The following ANXA8 variants were observed in gnomAD, a reference collection of about 807,000 sequenced individuals.
The protein encoded by ANXA8 is VAC-beta.
In ANXA8, 9 loss-of-function variants were observed where a neutral mutation model predicts 26.8. The ratio of observed to expected loss-of-function variants is 0.34; its 90% CI spans 0.20 to 0.59. ANXA8 has a LOEUF of 0.59. Ranked by LOEUF, ANXA8 falls within the 20% of genes least tolerant of loss-of-function variation. ANXA8 has a pLI of 0.84. For missense variants in ANXA8, 83 were observed against 238.5 expected, an observed-to-expected ratio of 0.35 and a Z score of 4.29; for synonymous variants, 39 against 94.8, an observed-to-expected ratio of 0.41 and a Z score of 3.42.
chr10:47,632,615 A>G, the ANXA8 span, among the ~76,000 whole-genome samples: 1 of 143,934 alleles, frequency 6.9e-6, no homozygotes, highest in Non-Finnish European at 1.5e-5. Flanking sequence ...ATTATAAAAT[A>G]TAATAAGAGA....
At chr10:47,693,292 CTT>C in the ANXA8 span, among the ~76,000 whole-genome samples, 12 of 140,746 alleles carry the variant, frequency 8.5e-5, no homozygotes, top group East Asian at 4.1e-4. Context: ...CAAGTACAAT[CTT>C]TTTTTTTTTT....
upstream of ANXA8, chr10:47,484,828 G>C: frequency 4.1e-6 from 2 of 482,268 alleles, no homozygotes; most frequent in Non-Finnish European, 7.2e-6. Context: ...GGGCTTCTCT[G>C]TAGCTTCTCT....
chr10:47,916,517 C>T, the ANXA8 span, among the ~76,000 whole-genome samples: 1 of 126,678 alleles, frequency 7.9e-6, no homozygotes, highest in East Asian at 2.2e-4. Context: ...GAAAGTCCAG[C>T]CCTACCATCT....
At chr10:47,751,051 A>C in the ANXA8 span, 1 of 149,872 alleles carries the variant, frequency 6.7e-6, no homozygotes, top group Admixed American at 6.6e-5. Flanking sequence ...CAGCTTGAGA[A>C]TATATGTTAA....
At chr10:47,959,128 G>A in the ANXA8 span, among the ~76,000 whole-genome samples, 3 of 146,956 alleles carry the variant, frequency 2.0e-5, no homozygotes, top group African/African-American at 7.9e-5. Flanking sequence ...GGTGGCCTTG[G>A]AGGCCCAGAG....
the ANXA8 span, among the ~76,000 whole-genome samples, chr10:47,695,040 C>T: frequency 6.6e-6 from 1 of 151,700 alleles, no homozygotes; most frequent in Non-Finnish European, 1.5e-5. Context: ...CCAACATAGG[C>T]TTCACAGTCC....
chr10:47,946,274 C>T, the ANXA8 span, among the ~76,000 whole-genome samples: 2 of 149,364 alleles, frequency 1.3e-5, no homozygotes, highest in African/African-American at 5.0e-5. Flanking sequence ...TAGTTTCCTC[C>T]AATTTTTCTT....
At chr10:47,733,251 CTT>C in the ANXA8 span, among the ~76,000 whole-genome samples, 19 of 93,404 alleles carry the variant, frequency 2.0e-4, no homozygotes, top group African/African-American at 2.9e-4. Flanking sequence ...TTCTTTCTTT[CTT>C]TCTTTCTTTC....
chr10:47,495,140 G>A, the ANXA8 span, among the ~76,000 whole-genome samples: 1 of 146,098 alleles, frequency 6.8e-6, no homozygotes, highest in East Asian at 2.2e-4. Flanking sequence ...AGGCACCCTG[G>A]TGATGCAGTC....
At chr10:47,503,934 C>A in the ANXA8 span, among the ~76,000 whole-genome samples, 1 of 25,912 alleles carries the variant, frequency 3.9e-5, no homozygotes. Context: ...AAAGAGAGTC[C>A]ATCAAAAAAA....
the ANXA8 span, among the ~76,000 whole-genome samples, chr10:47,666,781 A>T: frequency 6.6e-6 from 1 of 151,976 alleles, no homozygotes; most frequent in South Asian, 2.1e-4. Flanking sequence ...CTTAAAACAA[A>T]CAGTAATTCT....
At chr10:47,941,223 A>G in the ANXA8 span, among the ~76,000 whole-genome samples, 1 of 146,520 alleles carries the variant, frequency 6.8e-6, no homozygotes, top group Non-Finnish European at 1.5e-5. Flanking sequence ...TATTTAAGAA[A>G]CACAGTTCAG....
At chr10:47,717,620 G>A in the ANXA8 span, among the ~76,000 whole-genome samples, 2 of 133,344 alleles carry the variant, frequency 1.5e-5, no homozygotes, top group African/African-American at 6.3e-5. Context: ...CATTCAGCGT[G>A]ACCTTTTAAT....
chr10:47,944,908 C>T, the ANXA8 span, among the ~76,000 whole-genome samples: 217 of 144,938 alleles, frequency 1.5e-3, 1 homozygote, highest in South Asian at 0.013. Flanking sequence ...GTACAGGTTC[C>T]TTCTCCTGCA....
the ANXA8 span, among the ~76,000 whole-genome samples, chr10:47,746,894 T>G: frequency 3.5e-5 from 4 of 114,648 alleles, no homozygotes; most frequent in African/African-American, 1.3e-4. Flanking sequence ...ATTCCCTGTA[T>G]AAAATCACTC....
At chr10:47,954,017 T>C in the ANXA8 span, among the ~76,000 whole-genome samples, 1 of 150,728 alleles carries the variant, frequency 6.6e-6, no homozygotes, top group Non-Finnish European at 1.5e-5. Context: ...AACTACCCTA[T>C]GATCCAGCAA....
chr10:47,646,511 T>C, the ANXA8 span, among the ~76,000 whole-genome samples: 317 of 150,512 alleles, frequency 2.1e-3, 6 homozygotes, highest in African/African-American at 7.4e-3. Flanking sequence ...TCATTTACAT[T>C]TACATTATTT....
the ANXA8 span, among the ~76,000 whole-genome samples, chr10:47,670,194 T>G: frequency 6.6e-5 from 10 of 151,978 alleles, no homozygotes; most frequent in Non-Finnish European, 1.3e-4. Flanking sequence ...CACTGCTTCC[T>G]TCTTTTTTAT....
chr10:47,957,534 T>C, the ANXA8 span, among the ~76,000 whole-genome samples: 3 of 150,180 alleles, frequency 2.0e-5, no homozygotes, highest in Non-Finnish European at 4.4e-5. Context: ...GTCCTTACAA[T>C]AGATTCCAAC....
Sources: allele counts gnomAD v4.1 joint callset (sites outside exome capture counted in the v4.1 genomes callset), GRCh38; gene constraint gnomAD v4.1.1; transcripts MANE v1.5; gene names NCBI Gene and HGNC (gene_info 2026-07-23, HGNC 2026-07-21).